The following IDE variants were observed in gnomAD, a reference collection of about 807,000 sequenced individuals.
IDE encodes the protein insulin-degrading enzyme.
Under a neutral mutation model 133.2 loss-of-function variants are expected in IDE, and 58 were observed. The observed-to-expected ratio is 0.44, with a 90% CI of 0.35 to 0.54. The LOEUF is 0.54. Among genes scored for constraint, IDE ranks in the 20% least tolerant of loss-of-function variants. The pLI, the probability that IDE is intolerant of heterozygous loss-of-function variation, is 0.00. For missense variants in IDE, 981 were observed against 1,234.0 expected (o/e 0.79, Z 3.07); for synonymous variants, 396 against 421.3 (o/e 0.94, Z 0.73).
intron 1 of IDE, among the ~76,000 whole-genome samples, chr10:92,569,339 C>T (rs577196809): frequency 1.3e-5 from 2 of 152,216 alleles, no homozygotes; most frequent in East Asian, 1.9e-4. Context: ...GATATTTAGG[C>T]GAGACAACAG....
At chr10:92,456,844 C>CAAAAA (rs57422406) in intron 22 of IDE, among the ~76,000 whole-genome samples, 766 of 52,236 alleles carry the variant, frequency 0.015, no homozygotes, top group Middle Eastern at 0.036. Flanking sequence ...GACTCTGTCT[C>CAAAAA]AAAAAAAAAA....
chr10:92,572,982 GAC>G, intron 1 of IDE: 2 of 985,322 alleles, frequency 2.0e-6, no homozygotes, highest in Non-Finnish European at 2.4e-6. Flanking sequence ...TTGGAAGGCA[GAC>G]ACATACTTTA....
Position 92,455,651 on chromosome 10 carries a change from A to G in IDE, c.2897-8T>C. ...ACTCTCCAACAACAGGACCTATAAG[A>G]AAATAAAAGGTTTAATACTTTGTAC... On this transcript the variant is annotated splice_polypyrimidine_tract_variant and splice_region_variant and intron_variant, in intron 23 of 24. Transcript: ENST00000265986. The G allele has an allele frequency of 6.5e-7, 1 of 1,542,970 alleles. No homozygotes were observed. The highest frequency in any genetic ancestry group is 1.1e-5 in the South Asian group (1 of 89,060).
At chr10:92,503,221 G>A (rs1050246606) in intron 11 of IDE, among the ~76,000 whole-genome samples, 3 of 152,100 alleles carry the variant, frequency 2.0e-5, no homozygotes, top group Non-Finnish European at 2.9e-5. Context: ...TTGAGGCCAG[G>A]AGTTTGAGAT....
At chr10:92,474,819 A>T (rs1465933189) in intron 17 of IDE, 22 bp downstream of exon 17, 1 of 1,589,808 alleles carries the variant, frequency 6.3e-7, no homozygotes, top group Non-Finnish European at 8.5e-7. Flanking sequence ...GAAAGCATTA[A>T]GCTTTAAGTA....
intron 1 of IDE, among the ~76,000 whole-genome samples, chr10:92,553,717 T>G (rs947247590): frequency 6.6e-6 from 1 of 152,072 alleles, no homozygotes; most frequent in Non-Finnish European, 1.5e-5. Context: ...TATATGCCAA[T>G]AAATTGAAAA....
At position 92,454,259 on chromosome 10, in the gene IDE, C is replaced by A; in HGVS notation, c.*185G>T. The A allele has an allele frequency of 8.5e-6, 4 of 471,346 alleles. No individual in the cohort carries two copies. Among genetic ancestry groups the A allele is most frequent in the South Asian group, 3.8e-5 (1 of 26,630 alleles). The allele number at this position is 471,346 out of a possible 1,614,324, so 29.2% of individuals were successfully genotyped here. A position where few individuals can be genotyped will look rare whatever the true frequency, so the allele number is the denominator to read the frequency against. ...AAGAGGCATGTATTTAAAAAATATT[C>A]TACATCTATAAGATTTTGTAATTTA... On this transcript the variant is annotated 3_prime_UTR_variant, in exon 25 of 25. Transcript: ENST00000265986.
chr10:92,555,586 T>C (rs1842969090), intron 1 of IDE, among the ~76,000 whole-genome samples: 2 of 152,046 alleles, frequency 1.3e-5, no homozygotes, highest in African/African-American at 4.8e-5. Flanking sequence ...TTGCACTATA[T>C]TGTACAATAA....
intron 13 of IDE, among the ~76,000 whole-genome samples, chr10:92,485,125 C>CTTTCTTTTT (rs371286432): frequency 9.9e-6 from 1 of 100,860 alleles, no homozygotes; most frequent in African/African-American, 3.9e-5. Context: ...TTCTTTCTTT[C>CTTTCTTTTT]TTTTTTTTTT....
At chr10:92,496,776 A>G (rs952398530) in intron 11 of IDE, among the ~76,000 whole-genome samples, 1 of 152,184 alleles carries the variant, frequency 6.6e-6, no homozygotes, top group Non-Finnish European at 1.5e-5. Flanking sequence ...ACAGAGCAAG[A>G]CTCTGTCTCA....
At position 92,561,597 on chromosome 10, in the gene IDE, C is replaced by CA. The variant is rs1243124939; in HGVS notation, c.98+12324dup. ...TGAAACCCCATCTCTAATAAAAATA[C>CA]AAAAAAAAAAAAAAATTAGCTGGGC... On this transcript the variant is annotated intron_variant, in intron 1 of 24. Transcript: ENST00000265986. Among the ~76,000 whole-genome samples the CA allele has an allele frequency of 9.7e-3, 1,166 of 120,112 alleles. 12 individuals are homozygous for CA. Among genetic ancestry groups the CA allele is most frequent in the African/African-American group, 0.027 (894 of 32,604 alleles). 78.8% of individuals were successfully genotyped at this position (120,112 alleles called of 152,430 possible). A position where few individuals can be genotyped will look rare whatever the true frequency, so the allele number is the denominator to read the frequency against.
chr10:92,527,781 C>T (rs1849704228), intron 4 of IDE, among the ~76,000 whole-genome samples: 1 of 152,112 alleles, frequency 6.6e-6, no homozygotes, highest in Non-Finnish European at 1.5e-5. Context: ...CTTTGAGAGG[C>T]CAAGGCGGGT....
chr10:92,508,283 A>G, intron 7 of IDE, 78 bp from the exon 8 acceptor site: 1 of 1,061,870 alleles, frequency 9.4e-7, no homozygotes, highest in South Asian at 1.4e-5. Context: ...TTAAAAATTC[A>G]TACTGTATGT....
At chr10:92,538,428 C>T (rs1452757135) in intron 1 of IDE, among the ~76,000 whole-genome samples, 1 of 152,176 alleles carries the variant, frequency 6.6e-6, no homozygotes, top group African/African-American at 2.4e-5. Context: ...CCGGTGCTGT[C>T]CTATGACGGC....
At chr10:92,531,256 C>T (rs773686611) in intron 4 of IDE, among the ~76,000 whole-genome samples, 3 of 152,132 alleles carry the variant, frequency 2.0e-5, no homozygotes, top group Non-Finnish European at 2.9e-5. Flanking sequence ...CTGTTATCCC[C>T]ATTTCTTATC....
At chr10:92,517,923 G>C (rs1737276614) in intron 4 of IDE, among the ~76,000 whole-genome samples, 1 of 152,078 alleles carries the variant, frequency 6.6e-6, no homozygotes, top group African/African-American at 2.4e-5. Flanking sequence ...CTGATTGATT[G>C]ATAGATAAAT....
intron 4 of IDE, among the ~76,000 whole-genome samples, chr10:92,523,647 G>A (rs78433005): frequency 0.021 from 3,125 of 148,992 alleles, 51 homozygotes; most frequent in Admixed American, 0.052. Context: ...GTTGCAGTGA[G>A]CCAAGATCAT....
intron 13 of IDE, among the ~76,000 whole-genome samples, 178 bp downstream of exon 13, chr10:92,487,014 GCTTT>G (rs1847036703): frequency 6.6e-6 from 1 of 152,114 alleles, no homozygotes; most frequent in South Asian, 2.1e-4. Flanking sequence ...TTGTTTGCTT[GCTTT>G]AATATTTTTA....
At chr10:92,555,644 A>G (rs1842970657) in intron 1 of IDE, among the ~76,000 whole-genome samples, 1 of 152,206 alleles carries the variant, frequency 6.6e-6, no homozygotes, top group African/African-American at 2.4e-5. Context: ...TATCTCTTTC[A>G]TGACAAAAAT....
Sources: gnomAD v4.1 joint callset for allele counts (sites outside exome capture counted in the v4.1 genomes callset) on GRCh38, gnomAD v4.1.1 for gene constraint, MANE v1.5 for transcripts, NCBI Gene and HGNC (gene_info 2026-07-23, HGNC 2026-07-21) for gene names.